Variants in STK32C observed in about 807,000 individuals in gnomAD.
STK32C encodes serine/threonine kinase 32C.
Under a neutral mutation model 56.5 loss-of-function variants are expected in STK32C, and 31 were observed. The observed-to-expected ratio is 0.55, with a 90% CI of 0.41 to 0.74. The LOEUF is 0.74. Among genes scored for constraint, STK32C ranks in the 30% least tolerant of loss-of-function variants. The pLI is 0.00. For synonymous variants in STK32C, 309 were observed against 289.4 expected, an observed-to-expected ratio of 1.07 and a Z score of -0.69; for missense variants, 544 against 676.9, an observed-to-expected ratio of 0.80 and a Z score of 2.18.
chr10:132,312,092 G>C (rs564938932), upstream of STK32C, among the ~76,000 whole-genome samples: 5 of 152,040 alleles, frequency 3.3e-5, no homozygotes, highest in African/African-American at 1.2e-4. Flanking sequence ...CTGCAGCCTC[G>C]ACCTCCCAGG....
At chr10:132,267,316 C>T (rs544896644) in intron 1 of STK32C, among the ~76,000 whole-genome samples, 1 of 152,236 alleles carries the variant, frequency 6.6e-6, no homozygotes, top group African/African-American at 2.4e-5. Flanking sequence ...GCCTGGAATA[C>T]ACCTCAGATC....
upstream of STK32C, among the ~76,000 whole-genome samples, chr10:132,312,514 T>C (rs1217215512): frequency 1.3e-5 from 2 of 152,104 alleles, no homozygotes; most frequent in East Asian, 3.9e-4. Context: ...AGTGATGAGA[T>C]AGGCATAAGA....
At chr10:132,310,716 G>T (rs933419851), upstream of STK32C, among the ~76,000 whole-genome samples, 3 of 152,244 alleles carry the variant, frequency 2.0e-5, no homozygotes, top group African/African-American at 7.2e-5. The surrounding 1 kb of genome is among the most constrained non-coding windows in gnomAD (Gnocchi z 4.6). Context: ...GTGACAATGT[G>T]ACAGATAAAT....
At chr10:132,295,838 G>A (rs1208901513) in intron 1 of STK32C, among the ~76,000 whole-genome samples, 2 of 151,522 alleles carry the variant, frequency 1.3e-5, no homozygotes, top group African/African-American at 4.9e-5. Flanking sequence ...AGCCGAGGTT[G>A]TGCCACTGCA....
intron 2 of STK32C, among the ~76,000 whole-genome samples, chr10:132,231,480 C>A (rs1025458695): frequency 7.2e-5 from 11 of 152,362 alleles, no homozygotes; most frequent in African/African-American, 1.9e-4. Flanking sequence ...TATATGCCAG[C>A]CCCATGCAAG....
chr10:132,252,333 C>T (rs2063939352), intron 1 of STK32C, among the ~76,000 whole-genome samples: 1 of 152,262 alleles, frequency 6.6e-6, no homozygotes, highest in South Asian at 2.1e-4. Flanking sequence ...AGGGGGCTGC[C>T]ATCCTACAAG....
At chr10:132,266,687 A>G (rs1337351403) in intron 1 of STK32C, among the ~76,000 whole-genome samples, 3 of 151,302 alleles carry the variant, frequency 2.0e-5, no homozygotes, top group Admixed American at 2.0e-4. Context: ...GCTGGAGGGG[A>G]GGAAGGAACG....
At chr10:132,314,543 G>A (rs1251476797) in intron 1 of STK32C, among the ~76,000 whole-genome samples, 1 of 152,206 alleles carries the variant, frequency 6.6e-6, no homozygotes, top group Non-Finnish European at 1.5e-5. Flanking sequence ...ACTTCAATTA[G>A]AAGATAGAGA....
rs758613484 is a variant in STK32C, at chr10:132,208,048, T to C, written c.1423A>G (p.Met475Val). 3.4e-5 allele frequency: 44 copies of C among 1,310,900 alleles called. No homozygotes were observed. Among genetic ancestry groups the C allele is most frequent in the Non-Finnish European group, 4.2e-5 (43 of 1,022,290 alleles). 81.2% of individuals were successfully genotyped at this position (1,310,900 alleles called of 1,614,324 possible). A position where few individuals can be genotyped will look rare whatever the true frequency, so the allele number is the denominator to read the frequency against. ...GCCGAGGGGCAAATGGGGCCGCACATGGGCAGGGCGGAGCGTTCCGCCTCG... is the reference window on the plus strand; with the variant it reads ...GCCGAGGGGCAAATGGGGCCGCACACGGGCAGGGCGGAGCGTTCCGCCTCG... ...EDEAERSALP[M>V]CGPICPSAGS... is the part of the protein sequence containing the mutation. Residue 475 changes from methionine to valine, a missense_variant, in exon 12 of 12, where the codon ATG becomes GTG. Coordinates refer to ENST00000298630, the MANE Select transcript of STK32C (RefSeq NM_173575.4).
At chr10:132,325,943 G>A (rs1025415213) in intron 1 of STK32C, among the ~76,000 whole-genome samples, 9 of 152,100 alleles carry the variant, frequency 5.9e-5, no homozygotes, top group South Asian at 2.1e-4. Flanking sequence ...GGATGTTATC[G>A]ATCTCCTGAC....
At chr10:132,310,239 C>T (rs1230986387), upstream of STK32C, among the ~76,000 whole-genome samples, 1 of 152,222 alleles carries the variant, frequency 6.6e-6, no homozygotes. This position sits in a 1 kb window ranked among gnomAD's most constrained non-coding sequence, Gnocchi z 4.6. Flanking sequence ...AGGCACCTGC[C>T]TCTCAGTCAG....
chr10:132,318,049 C>T (rs558731249), intron 1 of STK32C, among the ~76,000 whole-genome samples: 1 of 150,796 alleles, frequency 6.6e-6, no homozygotes, highest in East Asian at 2.0e-4. Flanking sequence ...GAGGGTGGAT[C>T]ACAAGGTCAG....
At chr10:132,296,532 A>G (rs941856539) in intron 1 of STK32C, among the ~76,000 whole-genome samples, 10 of 152,184 alleles carry the variant, frequency 6.6e-5, no homozygotes, top group African/African-American at 2.2e-4. Context: ...AAAAGGCCAC[A>G]TAGATTTTGC....
At chr10:132,235,496 A>C (rs1290925354) in intron 2 of STK32C, among the ~76,000 whole-genome samples, 1 of 145,832 alleles carries the variant, frequency 6.9e-6, no homozygotes, top group Non-Finnish European at 1.5e-5. Context: ...CTCAGCCTTA[A>C]AAAAAAAAAA....
At chr10:132,250,843 C>T (rs1295032156) in intron 1 of STK32C, among the ~76,000 whole-genome samples, 5 of 152,212 alleles carry the variant, frequency 3.3e-5, no homozygotes, top group Non-Finnish European at 7.4e-5. Context: ...AGGTTCCAAG[C>T]TGGGCAAGAG....
At position 132,307,188 on chromosome 10, in the gene STK32C, G is replaced by A. The variant is rs908949349; in HGVS notation, c.262+384C>T. 1.0e-4 allele frequency: 16 copies of A among 159,230 alleles called. No homozygotes were observed. Among genetic ancestry groups the A allele is most frequent in the Admixed American group, 5.8e-4 (9 of 15,388 alleles). The allele number at this position is 159,230 out of a possible 1,614,324, so 9.9% of individuals were successfully genotyped here. On this transcript the variant is annotated intron_variant, in intron 1 of 11. Transcript: ENST00000298630. This position sits in a 1 kb window ranked among gnomAD's most constrained non-coding sequence, Gnocchi z 4.4. The stretch of plus-strand genomic sequence containing the variant: ...CCTCACTCGCACTCGGGCGGCACAG[G>A]TGAGCGCCTCTCTAACTGCAAAGTA...
rs946016586 is a variant in STK32C, at chr10:132,265,820, C to T, written c.263-19865G>A. On this transcript the variant is annotated intron_variant, in intron 1 of 11. Transcript: ENST00000298630. ...AGGAAAACCCAACGCGGGCCCCCTCCATCCCCCCGGACAGCCAGGGAGAGG... is the reference window on the plus strand; with the variant it reads ...AGGAAAACCCAACGCGGGCCCCCTCTATCCCCCCGGACAGCCAGGGAGAGG... Among the ~76,000 whole-genome samples the T allele has an allele frequency of 7.9e-5, 12 of 152,306 alleles. No individual in the cohort carries two copies. In the South Asian group the frequency reaches 2.5e-3, roughly 32 times the overall value.
At chr10:132,220,713 C>T (rs376712894) in intron 10 of STK32C, among the ~76,000 whole-genome samples, 1 of 152,244 alleles carries the variant, frequency 6.6e-6, no homozygotes, top group Non-Finnish European at 1.5e-5. Flanking sequence ...CCTGTCAAAT[C>T]CCTGATGAGA....
rs142282211 is a variant in STK32C at position 132,245,947 on chromosome 10, C to T, written c.271G>A (p.Asp91Asn). ...VFDDKEDVNFDHFQILRAIGK... is the reference protein window; with the variant it reads ...VFDDKEDVNFNHFQILRAIGK... Reference sequence around the variant, plus strand: ...ATGGCCCGAAGGATCTGGAAGTGGTCGAAGTTCACTGCAGGATAAAACAGA... The same window carrying T: ...ATGGCCCGAAGGATCTGGAAGTGGTTGAAGTTCACTGCAGGATAAAACAGA... The change falls in exon 2 of 12, where the codon GAC (aspartate) becomes AAC (asparagine). Residue 91 changes from aspartate to asparagine, a missense_variant. Physicochemically the swap from Asp to Asn is conservative, Grantham distance 23. Coordinates refer to ENST00000298630, the MANE Select transcript of STK32C (RefSeq NM_173575.4). 6.2e-7 allele frequency: 1 copy of T among 1,613,578 alleles called. No individual in the cohort carries two copies. Among genetic ancestry groups the T allele is most frequent in the Non-Finnish European group, 8.5e-7 (1 of 1,180,002 alleles).
Sources: gnomAD v4.1 joint callset for allele counts (sites outside exome capture counted in the v4.1 genomes callset) on GRCh38, gnomAD v4.1.1 for gene constraint, Gnocchi (gnomAD v3.1) non-coding constraint, MANE v1.5 for transcripts, NCBI Gene and HGNC (gene_info 2026-07-23, HGNC 2026-07-21) for gene names.